Variants in DCC observed in about 807,000 individuals in gnomAD.
DCC encodes DCC netrin 1 receptor.
Under a neutral mutation model 172.5 loss-of-function variants are expected in DCC, and 58 were observed. The ratio of observed to expected loss-of-function variants is 0.34; its 90% confidence interval spans 0.27 to 0.42. The LOEUF (loss-of-function observed/expected upper bound fraction) is 0.42. Ranked by LOEUF, DCC falls within the 10% of genes least tolerant of loss-of-function variation. DCC has a pLI of 1.00. For synonymous variants in DCC, 709 were observed against 644.5 expected, an observed-to-expected ratio of 1.10 and a Z score of -1.52; for missense variants, 1,740 against 1,791.0, an observed-to-expected ratio of 0.97 and a Z score of 0.51.
At chr18:52,859,757 C>T (rs2039110587) in intron 2 of DCC, among the ~76,000 whole-genome samples, 1 of 152,136 alleles carries the variant, frequency 6.6e-6, no homozygotes, top group Non-Finnish European at 1.5e-5. Flanking sequence ...TCTGAACAGC[C>T]ATCTCAAAAC....
chr18:52,912,865 G>T (rs892126154), intron 3 of DCC, among the ~76,000 whole-genome samples: 3 of 151,902 alleles, frequency 2.0e-5, no homozygotes, highest in Admixed American at 6.6e-5. Context: ...AACAATTCAG[G>T]TTAGCAAGAC....
At chr18:52,621,765 C>T (rs1005470912) in intron 1 of DCC, among the ~76,000 whole-genome samples, 10 of 152,148 alleles carry the variant, frequency 6.6e-5, no homozygotes, top group African/African-American at 2.2e-4. Context: ...AGTCTCTTTG[C>T]TTTTGGCCAA....
chr18:53,473,767 C>T (rs2045727072), intron 25 of DCC, among the ~76,000 whole-genome samples: 1 of 152,138 alleles, frequency 6.6e-6, no homozygotes, highest in South Asian at 2.1e-4. Flanking sequence ...ATAAATATGG[C>T]TTTTATCTCC....
At chr18:52,881,429 C>T (rs2039484616) in intron 2 of DCC, among the ~76,000 whole-genome samples, 1 of 152,048 alleles carries the variant, frequency 6.6e-6, no homozygotes, top group African/African-American at 2.4e-5. Context: ...TTTGCACAGA[C>T]CAAGGTTCTA....
intron 1 of DCC, among the ~76,000 whole-genome samples, chr18:52,658,761 A>T (rs531220991): frequency 1.1e-4 from 17 of 151,460 alleles, no homozygotes; most frequent in Admixed American, 3.3e-4. Flanking sequence ...GAAAATATTT[A>T]AAAAAAAATA....
chr18:52,449,749 T>G (rs1988242308), intron 1 of DCC, among the ~76,000 whole-genome samples: 1 of 152,098 alleles, frequency 6.6e-6, no homozygotes, highest in South Asian at 2.1e-4. Flanking sequence ...TGGTGGTGGG[T>G]CTTTTCTCAT....
chr18:53,159,363 CA>C (rs2054798610), intron 8 of DCC, among the ~76,000 whole-genome samples: 1 of 152,180 alleles, frequency 6.6e-6, no homozygotes, highest in Non-Finnish European at 1.5e-5. Context: ...TGCTGCCTCC[CA>C]ACACTACCAT....
chr18:53,355,501 G>A (rs2057867853), intron 15 of DCC, among the ~76,000 whole-genome samples: 1 of 152,144 alleles, frequency 6.6e-6, no homozygotes, highest in Admixed American at 6.5e-5. Context: ...TCCCTTGTAA[G>A]TTGTATTCCT....
chr18:53,173,661 G>C (rs1006000612), intron 8 of DCC, among the ~76,000 whole-genome samples: 8 of 151,638 alleles, frequency 5.3e-5, no homozygotes, highest in Middle Eastern at 3.2e-3. Context: ...CAATACAGGA[G>C]CACCAAGATT....
At chr18:52,852,286 T>C (rs2038986691) in intron 2 of DCC, among the ~76,000 whole-genome samples, 1 of 152,118 alleles carries the variant, frequency 6.6e-6, no homozygotes, top group African/African-American at 2.4e-5. Context: ...TTTTGCATAT[T>C]ACTTTTTAAG....
At position 53,178,971 on chromosome 18, in the gene DCC, A is replaced by T; in HGVS notation, c.1428A>T (p.Ala476=). Residue 476 remains alanine (A), a synonymous_variant, in exon 9 of 29, where the codon GCA becomes GCT. Transcript: ENST00000442544. ...FSREGDNRER[A]LNTTQPGSLQ... ...AACTTTGATTTCTCAGGGAACGAGC[A>T]TTGAATACAACACAGCCTGGGTCCC... The T allele has an allele frequency of 1.2e-6, 2 of 1,614,038 alleles. No homozygotes were observed. Among genetic ancestry groups the T allele is most frequent in the South Asian group, 2.2e-5 (2 of 91,084 alleles).
At chr18:53,468,908 A>G (rs2045661479) in intron 25 of DCC, among the ~76,000 whole-genome samples, 1 of 152,158 alleles carries the variant, frequency 6.6e-6, no homozygotes. Flanking sequence ...CAGATAATCC[A>G]TCTGATACCC....
At chr18:52,918,397 A>G (rs766085224) in intron 3 of DCC, among the ~76,000 whole-genome samples, 1 of 152,172 alleles carries the variant, frequency 6.6e-6, no homozygotes. Context: ...TTTTAAGTTC[A>G]CATCTCCCAG....
chr18:52,559,579 A>G (rs117887430), intron 1 of DCC, among the ~76,000 whole-genome samples: 6,060 of 152,284 alleles, frequency 0.04, 156 homozygotes, highest in Non-Finnish European at 0.054. Context: ...GTAATCAAAA[A>G]TGAAAACCAA....
intron 12 of DCC, among the ~76,000 whole-genome samples, chr18:53,272,930 C>T (rs1005713861): frequency 1.3e-5 from 2 of 152,004 alleles, no homozygotes; most frequent in African/African-American, 2.4e-5. Flanking sequence ...AATAAATAAA[C>T]AGCTCAACAC....
At chr18:52,951,712 T>C (rs531055836) in intron 5 of DCC, among the ~76,000 whole-genome samples, 1 of 152,360 alleles carries the variant, frequency 6.6e-6, no homozygotes, top group South Asian at 2.1e-4. Flanking sequence ...TTCAACTTGA[T>C]GATAGCTAAG....
At chr18:52,539,040 G>T (rs541643101) in intron 1 of DCC, among the ~76,000 whole-genome samples, 6 of 152,284 alleles carry the variant, frequency 3.9e-5, no homozygotes, top group African/African-American at 1.4e-4. Flanking sequence ...AAAGGAGTCT[G>T]GTTGCAGTGA....
At chr18:53,109,637 G>C (rs1384205851) in intron 7 of DCC, among the ~76,000 whole-genome samples, 1 of 138,872 alleles carries the variant, frequency 7.2e-6, no homozygotes, top group East Asian at 2.4e-4. Flanking sequence ...TCTTCCAGTA[G>C]AGCAGTGGTT....
intron 15 of DCC, among the ~76,000 whole-genome samples, chr18:53,343,714 A>G (rs1026035659): frequency 2.0e-5 from 3 of 151,954 alleles, no homozygotes; most frequent in Non-Finnish European, 4.4e-5. Flanking sequence ...GTTACAGAAA[A>G]TTTGTGTAAA....
Sources: allele counts gnomAD v4.1 joint callset (sites outside exome capture counted in the v4.1 genomes callset), GRCh38; gene constraint gnomAD v4.1.1; transcripts MANE v1.5; gene names NCBI Gene and HGNC (gene_info 2026-07-23, HGNC 2026-07-21).